Variants in RBL1 observed in about 807,000 individuals in gnomAD.
RBL1 encodes retinoblastoma-like protein 1.
In RBL1, 82 loss-of-function variants were observed where a neutral mutation model predicts 123.0. That is an observed-to-expected ratio of 0.67 (90% confidence interval 0.56 to 0.80). The LOEUF is 0.80. RBL1 is among the 30% of genes least tolerant of loss of function. The pLI, the probability that RBL1 is intolerant of heterozygous loss-of-function variation, is 0.00. For synonymous variants in RBL1, 405 were observed against 441.3 expected, an observed-to-expected ratio of 0.92 and a Z score of 1.03; for missense variants, 1,171 against 1,299.6, an observed-to-expected ratio of 0.90 and a Z score of 1.52.
At chr20:37,091,951 T>C (rs2065652640) in intron 1 of RBL1, among the ~76,000 whole-genome samples, 1 of 152,118 alleles carries the variant, frequency 6.6e-6, no homozygotes, top group African/African-American at 2.4e-5. Flanking sequence ...ATGAATTGCT[T>C]GGGAATAGGG....
intron 2 of RBL1, among the ~76,000 whole-genome samples, chr20:37,082,527 A>AT (rs982289767): frequency 1.3e-5 from 2 of 152,086 alleles, no homozygotes; most frequent in Non-Finnish European, 2.9e-5. Flanking sequence ...TTTACCCTCC[A>AT]TATCTGTGAG....
At position 37,059,047 on chromosome 20, in the gene RBL1, G is replaced by A. The variant is rs567377508; in HGVS notation, c.1250+2056C>T. ...CAACACCCAGCGTTTCCATTTATTT[G>A]TGTCTAGATTTTTTTTCTTTTGCAT... On this transcript the variant is annotated intron_variant, in intron 9 of 21. Coordinates refer to ENST00000373664, the MANE Select transcript of RBL1 (RefSeq NM_002895.5). Among the ~76,000 whole-genome samples the A allele has an allele frequency of 1.4e-4, 21 of 152,190 alleles. No individual in the cohort carries two copies. The South Asian group carries it at 4.2e-3, about 30-fold the overall frequency.
chr20:37,016,837 T>C (rs1453253438), intron 19 of RBL1, among the ~76,000 whole-genome samples: 1 of 151,270 alleles, frequency 6.6e-6, no homozygotes, highest in Non-Finnish European at 1.5e-5. Flanking sequence ...TGAGCCATGA[T>C]TGTGCCACTG....
intron 14 of RBL1, among the ~76,000 whole-genome samples, chr20:37,038,116 T>A (rs567949986): frequency 6.6e-6 from 1 of 150,992 alleles, no homozygotes; most frequent in African/African-American, 2.4e-5. Flanking sequence ...CTTAGCTGCC[T>A]GAGCAGCTGG....
rs2064829451 is a variant in RBL1 at position 37,047,153 on chromosome 20, A to G, written c.1505T>C (p.Met502Thr). ...GAGCACAATTTCCAAACAACAAGCC[A>G]TCAAGGAACGATGAAATATATCTTG... ...LEQDIFHRSL[M>T]ACCLEIVLFA... The change falls in exon 12 of 22, where the codon ATG (methionine) becomes ACG (threonine). Residue 502 changes from methionine to threonine, a missense_variant. Met to Thr is a moderately conservative substitution (Grantham distance 81). Coordinates refer to ENST00000373664, the MANE Select transcript of RBL1 (RefSeq NM_002895.5). 4 of 1,604,882 alleles carry G rather than the reference A, an allele frequency of 2.5e-6. No individual in the cohort carries two copies. The highest frequency in any genetic ancestry group is 3.4e-6 in the Non-Finnish European group (4 of 1,178,266).
chr20:37,007,412 A>G lies in RBL1; in HGVS notation c.2870T>C (p.Met957Thr), dbSNP rs963658494. The change falls in exon 20 of 22, where the codon ATG becomes ACG. Residue 957 changes from methionine (M) to threonine (T), a missense_variant and splice_region_variant. Coordinates refer to ENST00000373664, the MANE Select transcript of RBL1 (RefSeq NM_002895.5). ...LKYDLANQDH[M>T]MDAPPLSPFP... ...AAAGTAGTAAAACATAGAACATACCATATGGTCCTGATTCGCCAAGTCGTA... is the reference window on the plus strand; with the variant it reads ...AAAGTAGTAAAACATAGAACATACCGTATGGTCCTGATTCGCCAAGTCGTA... 1.2e-6 allele frequency: 2 copies of G among 1,613,266 alleles called. No individual in the cohort carries two copies. The highest frequency in any genetic ancestry group is 1.7e-6 in the Non-Finnish European group (2 of 1,179,666).
intron 2 of RBL1, among the ~76,000 whole-genome samples, chr20:37,083,911 ATT>A (rs1256871744): frequency 5.6e-5 from 8 of 141,594 alleles, no homozygotes; most frequent in Admixed American, 7.1e-5. Flanking sequence ...TTTTTAATGG[ATT>A]TTTTTTTTTT....
In RBL1 at chr20:36,998,850, G is replaced by C. The variant is rs769964477; in HGVS notation, c.3116C>G (p.Ala1039Gly). ...KKRVIAIDSD[A>G]ESPAKRVCQE... ...ACAGACGCGTTTGGCAGGGGATTCT[G>C]CATCACTATCGATGGCTATTACTCG... Residue 1039 changes from alanine to glycine, a missense_variant, in exon 22 of 22, where the codon GCA becomes GGA. By Grantham distance (60) the Ala-to-Gly change is moderately conservative. Coordinates refer to ENST00000373664, the MANE Select transcript of RBL1 (RefSeq NM_002895.5). 6.2e-7 allele frequency: 1 copy of C among 1,612,970 alleles called. No homozygotes were observed. The highest frequency in any genetic ancestry group is 8.5e-7 in the Non-Finnish European group (1 of 1,179,200).
Position 37,089,077 on chromosome 20 carries a change from G to C in RBL1, c.202C>G (p.Arg68Gly), listed in dbSNP as rs1341414386. ...WLACSLYVAC[R>G]KSIIPTVGKG... The stretch of plus-strand genomic sequence containing the variant: ...CCAACCGTGGGAATAATGCTTTTGC[G>C]GCATGCAACATATAATGAACATGCC... The change falls in exon 2 of 22, where the codon CGC (arginine) becomes GGC (glycine). Residue 68 changes from arginine (R) to glycine (G), a missense_variant. Coordinates refer to ENST00000373664, the MANE Select transcript of RBL1 (RefSeq NM_002895.5). The C allele has an allele frequency of 4.3e-6, 7 of 1,610,854 alleles. No homozygotes were observed. Among genetic ancestry groups the C allele is most frequent in the Non-Finnish European group, 5.9e-6 (7 of 1,178,390 alleles).
In RBL1 at chr20:37,003,799, G is replaced by A; in HGVS notation, c.2939C>T (p.Ser980Phe). 1.2e-6 allele frequency: 2 copies of A among 1,614,030 alleles called. No homozygotes were observed. Among genetic ancestry groups the A allele is most frequent in the Non-Finnish European group, 1.7e-6 (2 of 1,179,942 alleles). The change falls in exon 21 of 22, where the codon TCC becomes TTC. Residue 980 changes from serine (S) to phenylalanine (F), a missense_variant. Transcript: ENST00000373664. The stretch of plus-strand genomic sequence containing the variant: ...GGAAATATAAATGGAGTGCTGCTGG[G>A]AAATGCGGCGTGGTGAGCCTGGCTG... ...KQQPGSPRRI[S>F]QQHSIYISPH...
intron 10 of RBL1, 87 bp downstream of exon 10, chr20:37,056,059 T>A: frequency 6.8e-7 from 1 of 1,478,056 alleles, no homozygotes; most frequent in Non-Finnish European, 8.9e-7. Context: ...GAAATAAGAA[T>A]AACGGGAGAG....
intron 11 of RBL1, among the ~76,000 whole-genome samples, chr20:37,054,128 A>G (rs1231522911): frequency 1.3e-5 from 2 of 152,170 alleles, no homozygotes; most frequent in Non-Finnish European, 2.9e-5. Context: ...GAAACTGGAT[A>G]AAGGATGTGT....
chr20:37,025,704 C>G (rs868745855), intron 16 of RBL1, among the ~76,000 whole-genome samples: 2 of 151,156 alleles, frequency 1.3e-5, no homozygotes, highest in Non-Finnish European at 2.9e-5. Flanking sequence ...GAGTTAGAAA[C>G]CTTGTGTTGA....
chr20:37,069,771 C>A (rs1673736454), intron 2 of RBL1, among the ~76,000 whole-genome samples: 1 of 151,674 alleles, frequency 6.6e-6, no homozygotes, highest in Admixed American at 6.6e-5. Flanking sequence ...CCCCGCCAGG[C>A]CAGCACCCCC....
At chr20:37,079,343 T>C (rs920393462) in intron 2 of RBL1, among the ~76,000 whole-genome samples, 1 of 152,172 alleles carries the variant, frequency 6.6e-6, no homozygotes, top group Non-Finnish European at 1.5e-5. Context: ...GCCAATCTTT[T>C]ATTTGGGTCT....
intron 2 of RBL1, among the ~76,000 whole-genome samples, chr20:37,086,716 C>T (rs906660051): frequency 1.3e-5 from 2 of 152,118 alleles, no homozygotes; most frequent in East Asian, 3.8e-4. Flanking sequence ...TGAATCCAAA[C>T]TGGATAGCTA....
intron 14 of RBL1, among the ~76,000 whole-genome samples, 192 bp from the exon 15 acceptor site, chr20:37,035,700 T>A (rs1385054351): frequency 1.3e-5 from 2 of 152,214 alleles, no homozygotes; most frequent in African/African-American, 2.4e-5. Flanking sequence ...CGATAAAACG[T>A]GAAAATTATG....
At chr20:37,084,234 T>G (rs997732676) in intron 2 of RBL1, among the ~76,000 whole-genome samples, 1 of 152,124 alleles carries the variant, frequency 6.6e-6, no homozygotes, top group African/African-American at 2.4e-5. Flanking sequence ...TTTTTAGGAA[T>G]CATACATATT....
At chr20:37,013,447 A>T (rs1192948667) in intron 19 of RBL1, among the ~76,000 whole-genome samples, 1 of 151,692 alleles carries the variant, frequency 6.6e-6, no homozygotes, top group Non-Finnish European at 1.5e-5. Context: ...GGACACAAAC[A>T]CTGCGGAAGG....
Sources: allele counts gnomAD v4.1 joint callset (sites outside exome capture counted in the v4.1 genomes callset), GRCh38; gene constraint gnomAD v4.1.1; transcripts MANE v1.5; gene names NCBI Gene and HGNC (gene_info 2026-07-23, HGNC 2026-07-21).